The following UNC5C variants were observed in gnomAD, a reference collection of about 807,000 sequenced individuals.
UNC5C encodes the protein netrin receptor UNC5C.
UNC5C carries 47 observed loss-of-function variants against 99.8 expected under a neutral mutation model. The observed-to-expected ratio is 0.47, with a 90% CI of 0.37 to 0.60. The LOEUF is 0.60. Among genes scored for constraint, UNC5C ranks in the 20% least tolerant of loss-of-function variants. UNC5C has a pLI of 0.00. For synonymous variants in UNC5C, 487 were observed against 452.2 expected (o/e 1.08, Z -0.98); for missense variants, 1,062 against 1,165.9 (o/e 0.91, Z 1.30).
intron 1 of UNC5C, among the ~76,000 whole-genome samples, chr4:95,351,242 G>C (rs1267231379): frequency 6.6e-6 from 1 of 151,906 alleles, no homozygotes; most frequent in Non-Finnish European, 1.5e-5. Flanking sequence ...GGCATGTTCA[G>C]AGGGTGAAGG....
chr4:95,473,757 TTC>T (rs922196750), intron 1 of UNC5C, among the ~76,000 whole-genome samples: 3 of 152,132 alleles, frequency 2.0e-5, no homozygotes, highest in African/African-American at 7.2e-5. Context: ...CTGTGCCATG[TTC>T]CAAGTCTAAC....
At chr4:95,507,482 G>A (rs1721955575) in intron 1 of UNC5C, among the ~76,000 whole-genome samples, 1 of 151,774 alleles carries the variant, frequency 6.6e-6, no homozygotes, top group Non-Finnish European at 1.5e-5. Context: ...TGTCTACATG[G>A]CTCTGCAACA....
intron 1 of UNC5C, among the ~76,000 whole-genome samples, chr4:95,498,300 TTTC>T (rs1301681957): frequency 3.2e-4 from 48 of 152,118 alleles, no homozygotes; most frequent in African/African-American, 1.1e-3. Flanking sequence ...GATCTTTGAG[TTTC>T]TTATTTTCTA....
intron 1 of UNC5C, among the ~76,000 whole-genome samples, chr4:95,507,846 CTTG>C (rs1469597288): frequency 6.6e-6 from 1 of 152,018 alleles, no homozygotes; most frequent in Non-Finnish European, 1.5e-5. Flanking sequence ...TCTCTGTCAT[CTTG>C]TTGTTAATGC....
At chr4:95,226,892 T>G (rs921633081) in intron 7 of UNC5C, among the ~76,000 whole-genome samples, 1 of 152,170 alleles carries the variant, frequency 6.6e-6, no homozygotes, top group South Asian at 2.1e-4. Context: ...GCCAAGGATA[T>G]TGAATGTCCT....
chr4:95,320,488 T>C (rs1264634525), intron 2 of UNC5C, among the ~76,000 whole-genome samples: 1 of 150,574 alleles, frequency 6.6e-6, no homozygotes, highest in East Asian at 2.0e-4. Flanking sequence ...ACCCTTCACA[T>C]ACTTTAGCCA....
intron 1 of UNC5C, among the ~76,000 whole-genome samples, chr4:95,366,290 C>T (rs1350139087): frequency 6.6e-6 from 1 of 152,026 alleles, no homozygotes; most frequent in East Asian, 1.9e-4. Context: ...GTAGTGAGAC[C>T]TCCATCTCAA....
At chr4:95,440,550 T>G (rs1400099283) in intron 1 of UNC5C, among the ~76,000 whole-genome samples, 1 of 152,222 alleles carries the variant, frequency 6.6e-6, no homozygotes, top group Non-Finnish European at 1.5e-5. Flanking sequence ...TCTACTTACT[T>G]CTTTCCACTC....
At chr4:95,212,445 T>A (rs1359968215) in intron 10 of UNC5C, among the ~76,000 whole-genome samples, 1 of 152,190 alleles carries the variant, frequency 6.6e-6, no homozygotes, top group East Asian at 1.9e-4. Context: ...TTAGGAAATA[T>A]TCATTGAGGA....
intron 2 of UNC5C, among the ~76,000 whole-genome samples, chr4:95,306,076 G>C (rs1287443902): frequency 1.3e-5 from 2 of 152,126 alleles, no homozygotes; most frequent in African/African-American, 4.8e-5. Flanking sequence ...GTAATCTACA[G>C]TGCTATCAAA....
At position 95,268,101 on chromosome 4, in the gene UNC5C, C is replaced by CA. The variant is rs569018861; in HGVS notation, c.594+10157dup. ...AGTAGCTGGGACTACAGGCGCCCGC[C>CA]ACCGCGCCCGGTTAATTTTTTGCAT... On this transcript the variant is annotated intron_variant, in intron 4 of 15. Coordinates refer to ENST00000453304, the MANE Select transcript of UNC5C (RefSeq NM_003728.4). Among the ~76,000 whole-genome samples, 407 of 152,096 alleles carry CA rather than the reference C, an allele frequency of 2.7e-3. 3 individuals carry two copies. The highest frequency in any genetic ancestry group is 8.6e-3 in the African/African-American group (355 of 41,492).
At chr4:95,172,302 G>C (rs1460556329) in intron 14 of UNC5C, among the ~76,000 whole-genome samples, 3 of 151,476 alleles carry the variant, frequency 2.0e-5, no homozygotes, top group Admixed American at 1.3e-4. Context: ...TTTTAGACAT[G>C]AAGTCCTTGC....
intron 1 of UNC5C, among the ~76,000 whole-genome samples, chr4:95,542,008 A>T (rs1012959732): frequency 2.0e-5 from 3 of 152,106 alleles, no homozygotes; most frequent in African/African-American, 7.2e-5. Flanking sequence ...CATCTACATG[A>T]GGCATTTTTA....
intron 4 of UNC5C, among the ~76,000 whole-genome samples, chr4:95,267,042 A>G (rs1740472938): frequency 6.6e-6 from 1 of 152,236 alleles, no homozygotes; most frequent in African/African-American, 2.4e-5. Context: ...CCCCATTTAG[A>G]TAAGACAGTT....
intron 10 of UNC5C, 119 bp from the exon 11 acceptor site, chr4:95,206,915 T>C: frequency 1.1e-6 from 1 of 945,344 alleles, no homozygotes; most frequent in Non-Finnish European, 1.5e-6. Context: ...TTTTTTTTTT[T>C]TTTTCTGGGG....
At chr4:95,519,617 T>C (rs1307118321) in intron 1 of UNC5C, among the ~76,000 whole-genome samples, 1 of 152,178 alleles carries the variant, frequency 6.6e-6, no homozygotes, top group African/African-American at 2.4e-5. Context: ...TAAAGTAAAT[T>C]CAACTTACCT....
intron 1 of UNC5C, among the ~76,000 whole-genome samples, chr4:95,512,888 A>C (rs1722115611): frequency 6.6e-6 from 1 of 152,214 alleles, no homozygotes; most frequent in African/African-American, 2.4e-5. Context: ...CAGAAGTATT[A>C]ATCCAGTAAT....
In UNC5C at chr4:95,383,262, T is replaced by TACACACACAC. The variant is rs35068196; in HGVS notation, c.125-47641_125-47632dup. ...TGAGAAATATAAATATGTGTGTGTT[T>TACACACACAC]ACACACACACACACACACACACACA... is the stretch of plus-strand genomic sequence containing the variant. On this transcript the variant is annotated intron_variant, in intron 1 of 15. Transcript: ENST00000453304. Among the ~76,000 whole-genome samples the TACACACACAC allele has an allele frequency of 6.6e-3, 1,000 of 150,934 alleles. 9 individuals are homozygous for TACACACACAC. The highest frequency in any genetic ancestry group is 0.023 in the African/African-American group (968 of 41,242).
rs1324134515 is a variant in UNC5C, at chr4:95,168,044, A to T, written c.*1190T>A. On this transcript the variant is annotated 3_prime_UTR_variant, in exon 16 of 16. Coordinates refer to ENST00000453304, the MANE Select transcript of UNC5C (RefSeq NM_003728.4). ...ACTGGTTTCTTGATCTCCAGTTTAG[A>T]GTCCATTCCTCCAACCACACTGCCT... 1.3e-4 allele frequency: 20 copies of T among 152,190 alleles called. No individual in the cohort carries two copies. The highest frequency in any genetic ancestry group is 1.3e-3 in the Admixed American group (20 of 15,274). 9.4% of individuals were successfully genotyped at this position (152,190 alleles called of 1,614,324 possible).
Sources: gnomAD v4.1 joint callset for allele counts (sites outside exome capture counted in the v4.1 genomes callset) on GRCh38, gnomAD v4.1.1 for gene constraint, MANE v1.5 for transcripts, NCBI Gene and HGNC (gene_info 2026-07-23, HGNC 2026-07-21) for gene names.